The following ADD3 variants were observed in gnomAD, a reference collection of about 807,000 sequenced individuals.
ADD3 encodes the protein gamma-adducin.
A neutral mutation model predicts 80.2 loss-of-function variants in ADD3; 25 were observed. The observed-to-expected ratio is 0.31, with a 90% CI of 0.23 to 0.44. The LOEUF (loss-of-function observed/expected upper bound fraction) is 0.44, where lower values mean the gene tolerates loss of function less well. Among genes scored for constraint, ADD3 ranks in the 20% least tolerant of loss-of-function variants. The pLI is 1.00. For missense variants in ADD3, 829 were observed against 847.5 expected, an observed-to-expected ratio of 0.98 and a Z score of 0.27; for synonymous variants, 284 against 289.6, an observed-to-expected ratio of 0.98 and a Z score of 0.20.
intron 1 of ADD3, among the ~76,000 whole-genome samples, chr10:110,025,932 A>G (rs1854236929): frequency 6.6e-6 from 1 of 152,160 alleles, no homozygotes; most frequent in African/African-American, 2.4e-5. Context: ...AAAAAGAAAA[A>G]AAAAATTTCA....
intron 1 of ADD3, among the ~76,000 whole-genome samples, chr10:110,092,296 G>A (rs1188033760): frequency 2.0e-5 from 3 of 152,136 alleles, no homozygotes; most frequent in Non-Finnish European, 4.4e-5. Context: ...ATCCACAATA[G>A]CAAAGACATG....
intron 2 of ADD3, among the ~76,000 whole-genome samples, chr10:110,103,938 A>G (rs187112607): frequency 7.2e-5 from 11 of 152,176 alleles, no homozygotes; most frequent in African/African-American, 2.4e-5. Flanking sequence ...TCCACATGCA[A>G]AATACACTCT....
chr10:110,109,745 T>C (rs1849784162), intron 2 of ADD3, among the ~76,000 whole-genome samples: 1 of 152,204 alleles, frequency 6.6e-6, no homozygotes, highest in African/African-American at 2.4e-5. Context: ...TACATAAAGA[T>C]AAATGAGGAT....
Position 110,125,835 on chromosome 10 carries a change from G to A in ADD3, c.1411G>A (p.Ala471Thr). Residue 471 changes from alanine to threonine, a missense_variant, in exon 11 of 15, where the codon GCA (alanine) becomes ACA (threonine). Ala to Thr is a moderately conservative substitution (Grantham distance 58, BLOSUM62 0). Coordinates refer to ENST00000356080, the MANE Select transcript of ADD3 (RefSeq NM_016824.5). ...SPRTKITWMK[A>T]EDSSKVSGGT... is the part of the protein sequence containing the mutation. ...ATTTTTGATTCTTTAGTGGATGAAA[G>A]CAGAAGACTCATCTAAAGTTAGTGG... 6.3e-7 allele frequency: 1 copy of A among 1,596,518 alleles called. No individual in the cohort carries two copies. The highest frequency in any genetic ancestry group is 1.1e-5 in the South Asian group (1 of 88,420).
intron 1 of ADD3, among the ~76,000 whole-genome samples, chr10:110,088,918 C>G (rs953180151): frequency 1.3e-5 from 2 of 152,092 alleles, no homozygotes; most frequent in Non-Finnish European, 2.9e-5. Context: ...CTAGACTAGC[C>G]TTTTCAATGC....
At chr10:110,032,475 G>T (rs780874567) in intron 1 of ADD3, among the ~76,000 whole-genome samples, 1 of 152,228 alleles carries the variant, frequency 6.6e-6, no homozygotes. Context: ...AGTAAAACCA[G>T]ACTGGGGAAG....
At chr10:110,117,220 G>T in intron 4 of ADD3, 122 bp from the exon 5 acceptor site, 1 of 567,220 alleles carries the variant, frequency 1.8e-6, no homozygotes. Flanking sequence ...TTTAATTTTT[G>T]CTTTGTTGGT....
At chr10:110,128,444 C>T (rs191885418) in intron 12 of ADD3, among the ~76,000 whole-genome samples, 83 of 151,872 alleles carry the variant, frequency 5.5e-4, no homozygotes, top group African/African-American at 2.0e-3. Context: ...GAGATGGAGT[C>T]TCGCACTGTT....
chr10:110,084,437 A>G (rs190349319), intron 1 of ADD3, among the ~76,000 whole-genome samples: 34 of 152,310 alleles, frequency 2.2e-4, no homozygotes, highest in African/African-American at 7.7e-4. Context: ...GCTTACCAAA[A>G]TCTTTAGTTA....
At chr10:110,040,579 T>C (rs1041252406) in intron 1 of ADD3, among the ~76,000 whole-genome samples, 9 of 152,178 alleles carry the variant, frequency 5.9e-5, no homozygotes, top group African/African-American at 1.7e-4. Flanking sequence ...TACCATGTTG[T>C]GGAATTTGGG....
intron 1 of ADD3, among the ~76,000 whole-genome samples, chr10:110,093,686 A>G (rs74154976): frequency 0.011 from 1,609 of 152,254 alleles, 31 homozygotes; most frequent in African/African-American, 0.038. Context: ...GTTCCATGAC[A>G]TTTTATTATA....
chr10:110,064,319 G>A (rs966992619), intron 1 of ADD3, among the ~76,000 whole-genome samples: 4 of 152,188 alleles, frequency 2.6e-5, no homozygotes, highest in Admixed American at 6.5e-5. Flanking sequence ...GGTAAGGCCA[G>A]TTTCCCAAAG....
intron 1 of ADD3, among the ~76,000 whole-genome samples, chr10:110,073,883 A>G (rs1399618390): frequency 1.3e-5 from 2 of 151,734 alleles, no homozygotes; most frequent in African/African-American, 4.8e-5. Context: ...CCCGACTAAC[A>G]TGAATTTAAC....
chr10:110,104,899 C>T (rs1849241454), intron 2 of ADD3, among the ~76,000 whole-genome samples: 1 of 152,178 alleles, frequency 6.6e-6, no homozygotes, highest in African/African-American at 2.4e-5. Flanking sequence ...GCAAAGCTCA[C>T]ACCTGTAATC....
chr10:110,054,475 C>A (rs1159043719), intron 1 of ADD3, among the ~76,000 whole-genome samples: 7 of 139,814 alleles, frequency 5.0e-5, no homozygotes. Flanking sequence ...GGAGTCTTGC[C>A]ATGTTGCCCA....
intron 1 of ADD3, among the ~76,000 whole-genome samples, chr10:110,095,868 G>A (rs1848088221): frequency 6.6e-6 from 1 of 152,132 alleles, no homozygotes; most frequent in East Asian, 1.9e-4. Context: ...GGTTTTATAT[G>A]TTGCATATTT....
At chr10:110,118,948 G>C (rs1440973656) in intron 6 of ADD3, among the ~76,000 whole-genome samples, 2 of 152,210 alleles carry the variant, frequency 1.3e-5, no homozygotes, top group East Asian at 3.8e-4. Flanking sequence ...TAACCAGTTT[G>C]AAAATTGGGT....
chr10:110,003,100 A>C (rs1165867885), upstream of ADD3, among the ~76,000 whole-genome samples: 1 of 151,830 alleles, frequency 6.6e-6, no homozygotes, highest in Non-Finnish European at 1.5e-5. Flanking sequence ...AATACATAAC[A>C]TTATGTAGTT....
upstream of ADD3, among the ~76,000 whole-genome samples, chr10:110,003,302 G>GGGGTGTGTGTGTGTGTGT (rs140966434): frequency 0.032 from 4,757 of 146,906 alleles, 89 homozygotes; most frequent in East Asian, 0.07. Flanking sequence ...GAACAGTAAG[G>GGGGTGTGTGTGTGTGTGT]GTGTGTGTGT....
Sources: allele counts gnomAD v4.1 joint callset (sites outside exome capture counted in the v4.1 genomes callset), GRCh38; gene constraint gnomAD v4.1.1; transcripts MANE v1.5; gene names NCBI Gene and HGNC (gene_info 2026-07-23, HGNC 2026-07-21).